G3BP2: variants seen among roughly 807,000 people sequenced by gnomAD.
G3BP2 encodes G3BP stress granule assembly factor 2.
A neutral mutation model predicts 56.7 loss-of-function variants in G3BP2; 11 were observed. The observed-to-expected ratio is 0.19, with a 90% CI of 0.12 to 0.32. The LOEUF (loss-of-function observed/expected upper bound fraction) is 0.32. Among genes scored for constraint, G3BP2 ranks in the 10% least tolerant of loss-of-function variants. The probability of loss-of-function intolerance (pLI) is 1.00; values close to 1 mark genes in which losing one functional copy is unlikely to be tolerated. For missense variants in G3BP2, 340 were observed against 610.9 expected (o/e 0.56, Z 4.67); for synonymous variants, 165 against 191.6 (o/e 0.86, Z 1.15).
At chr4:75,666,687 T>A (rs538891985) in intron 1 of G3BP2, among the ~76,000 whole-genome samples, 2 of 152,202 alleles carry the variant, frequency 1.3e-5, no homozygotes, top group East Asian at 3.9e-4. Flanking sequence ...CGTAAGAAGG[T>A]TGAGAAAAAG....
chr4:75,718,930 C>G (rs1182147726), intron 3 of G3BP2, among the ~76,000 whole-genome samples: 1 of 152,086 alleles, frequency 6.6e-6, no homozygotes, highest in African/African-American at 2.4e-5. Flanking sequence ...TAGTGAAAAC[C>G]CAGATAACAG....
chr4:75,649,044 C>CA (rs5859471), intron 8 of G3BP2: 2,389 of 170,690 alleles, frequency 0.014, 46 homozygotes, highest in African/African-American at 0.051. Context: ...GTATTGCTAC[C>CA]AAAAAAAAAA....
chr4:75,689,066 A>T (rs1718741591), intron 3 of G3BP2, among the ~76,000 whole-genome samples: 2 of 152,164 alleles, frequency 1.3e-5, no homozygotes, highest in African/African-American at 2.4e-5. Flanking sequence ...GAGAAAAAAA[A>T]AATAATGGGA....
At chr4:75,656,572 ATAT>A (rs1335910991) in intron 5 of G3BP2, among the ~76,000 whole-genome samples, 2 of 152,142 alleles carry the variant, frequency 1.3e-5, no homozygotes, top group Admixed American at 6.5e-5. Flanking sequence ...CAACAAAGAC[ATAT>A]TATTACATTA....
intron 8 of G3BP2, among the ~76,000 whole-genome samples, chr4:75,652,717 A>G (rs1731795859): frequency 1.3e-5 from 2 of 152,128 alleles, no homozygotes; most frequent in Admixed American, 1.3e-4. Flanking sequence ...ATGTACATAA[A>G]TGTCTGTGAG....
In G3BP2 at chr4:75,700,740, T is replaced by TA. The variant is rs113214179; in HGVS notation, c.-25+20136dup. On this transcript the variant is annotated intron_variant, in intron 3 of 3. Coordinates refer to the G3BP2 transcript ENST00000499709. ...AGCTGAGACCATTTCATTTTATGGT[T>TA]AAAAAAAAAAAGAAAAAGAAAAGGA... Among the ~76,000 whole-genome samples, 155 of 141,866 alleles carry TA rather than the reference T, an allele frequency of 1.1e-3. 1 individual carries two copies. Among genetic ancestry groups the TA allele is most frequent in the African/African-American group, 3.4e-3 (132 of 38,774 alleles). The allele number at this position is 141,866 out of a possible 152,430, so 93.1% of individuals were successfully genotyped here.
At chr4:75,661,289 G>A (rs1319373545) in intron 2 of G3BP2, among the ~76,000 whole-genome samples, 2 of 151,902 alleles carry the variant, frequency 1.3e-5, no homozygotes, top group Admixed American at 6.6e-5. Flanking sequence ...CCACACACCC[G>A]GCTAATTTTT....
intron 3 of G3BP2, among the ~76,000 whole-genome samples, chr4:75,708,979 G>A (rs938735933): frequency 1.3e-5 from 2 of 151,840 alleles, no homozygotes; most frequent in East Asian, 1.9e-4. Context: ...GCATGGTGGC[G>A]CACACTTGTA....
rs1402145980 is a variant in G3BP2, at chr4:75,645,216, T to C, written c.*214A>G. ...ATGGTCATTTCTCAGTCCTTAATTC[T>C]CCAAGTCTAGATTTATAAATTAACA... On this transcript the variant is annotated 3_prime_UTR_variant, in exon 12 of 12. Transcript: ENST00000359707. 1 of 582,926 alleles carries C rather than the reference T, an allele frequency of 1.7e-6. No homozygotes were observed. Among genetic ancestry groups the C allele is most frequent in the Non-Finnish European group, 3.0e-6 (1 of 332,306 alleles). The allele number at this position is 582,926 out of a possible 1,614,324, so 36.1% of individuals were successfully genotyped here. A position where few individuals can be genotyped will look rare whatever the true frequency, so the allele number is the denominator to read the frequency against.
chr4:75,667,734 C>CA (rs1374171391), intron 1 of G3BP2, among the ~76,000 whole-genome samples: 1 of 152,002 alleles, frequency 6.6e-6, no homozygotes, highest in Non-Finnish European at 1.5e-5. Flanking sequence ...ACTAAAAATA[C>CA]AAAAAATTAG....
At chr4:75,657,907 C>G (rs1732234565) in intron 3 of G3BP2, among the ~76,000 whole-genome samples, 177 bp from the exon 4 acceptor site, 1 of 152,204 alleles carries the variant, frequency 6.6e-6, no homozygotes, top group African/African-American at 2.4e-5. Context: ...AAGAAGAAAT[C>G]ACAATAGCTC....
intron 3 of G3BP2, among the ~76,000 whole-genome samples, chr4:75,686,952 G>T (rs1360195404): frequency 6.6e-6 from 1 of 152,142 alleles, no homozygotes; most frequent in Non-Finnish European, 1.5e-5. Flanking sequence ...TTTTGGCTGA[G>T]CATGGTGGCT....
intron 8 of G3BP2, among the ~76,000 whole-genome samples, chr4:75,651,646 T>G (rs1181206043): frequency 6.6e-6 from 1 of 152,210 alleles, no homozygotes; most frequent in East Asian, 1.9e-4. Flanking sequence ...TAAAACTAGT[T>G]TTTCTGAACA....
Position 75,657,671 on chromosome 4 carries a change from A to C in G3BP2, c.237T>G (p.His79Gln). Residue 79 changes from histidine to glutamine, a missense_variant, in exon 4 of 12, where the codon CAT (histidine) becomes CAG (glutamine). His to Gln is a conservative substitution (Grantham distance 24). Around this residue, in one of 4 missense-constraint regions of G3BP2, gnomAD observed 224 missense variants for 332.5 expected, o/e 0.67. Coordinates refer to ENST00000359707, the MANE Select transcript of G3BP2 (RefSeq NM_203505.3). ...NFSECHTKIR[H>Q]VDAHATLSDG... Reference sequence around the variant, plus strand: ...CACTCAAGGTTGCATGAGCATCCACATGACGAATTTTAGTATGACATTCAC... The same window carrying C: ...CACTCAAGGTTGCATGAGCATCCACCTGACGAATTTTAGTATGACATTCAC... 6.2e-7 allele frequency: 1 copy of C among 1,612,866 alleles called. No homozygotes were observed. Among genetic ancestry groups the C allele is most frequent in the Non-Finnish European group, 8.5e-7 (1 of 1,178,882 alleles).
chr4:75,648,811 C>G, intron 8 of G3BP2, 70 bp from the exon 9 acceptor site: 1 of 821,756 alleles, frequency 1.2e-6, no homozygotes. Context: ...AAGCACCTAA[C>G]GACAAGTCAC....
At chr4:75,686,564 C>T (rs1268438340) in intron 3 of G3BP2, among the ~76,000 whole-genome samples, 9 of 1,340 alleles carry the variant, frequency 6.7e-3, no homozygotes, top group East Asian at 0.015. Context: ...GGGTGGGTGG[C>T]GGGGGGTGGG....
chr4:75,665,502 T>C (rs1248163867), intron 1 of G3BP2, among the ~76,000 whole-genome samples: 2 of 152,144 alleles, frequency 1.3e-5, no homozygotes, highest in Non-Finnish European at 2.9e-5. Context: ...TCCCAGCACT[T>C]TGGGACGTCG....
At chr4:75,687,322 GCTTT>G in intron 3 of G3BP2, among the ~76,000 whole-genome samples, 1 of 152,254 alleles carries the variant, frequency 6.6e-6, no homozygotes, top group Admixed American at 6.5e-5. Flanking sequence ...CCCTGCACAG[GCTTT>G]CTGTCTTTGC....
At chr4:75,698,641 T>C (rs1436467201) in intron 3 of G3BP2, among the ~76,000 whole-genome samples, 1 of 152,154 alleles carries the variant, frequency 6.6e-6, no homozygotes, top group African/African-American at 2.4e-5. Context: ...TTTTGGGTCA[T>C]GCTGTTTGCT....
Sources: gnomAD v4.1 joint callset for allele counts (sites outside exome capture counted in the v4.1 genomes callset) on GRCh38, gnomAD v4.1.1 for gene constraint, gnomAD v4.1.1 regional missense constraint, MANE v1.5 for transcripts, NCBI Gene and HGNC (gene_info 2026-07-23, HGNC 2026-07-21) for gene names.